CPS1: variants seen among roughly 807,000 people sequenced by gnomAD.
CPS1 encodes the protein carbamoyl-phosphate synthase [ammonia], mitochondrial.
In CPS1, 109 loss-of-function variants were observed where a neutral mutation model predicts 174.6. That is an observed-to-expected ratio of 0.62 (90% CI 0.53 to 0.73). The LOEUF (loss-of-function observed/expected upper bound fraction) is 0.73, where lower values mean the gene tolerates loss of function less well. Among genes scored for constraint, CPS1 ranks in the 30% least tolerant of loss-of-function variants. The probability of loss-of-function intolerance (pLI) is 0.00; values close to 1 mark genes in which losing one functional copy is unlikely to be tolerated. For synonymous variants in CPS1, 637 were observed against 632.0 expected (o/e 1.01, Z -0.12); for missense variants, 1,689 against 1,821.9 (o/e 0.93, Z 1.33).
chr2:210,563,384 G>A (rs761967257), intron 1 of CPS1, among the ~76,000 whole-genome samples: 11 of 152,066 alleles, frequency 7.2e-5, no homozygotes, highest in Non-Finnish European at 1.5e-4. Context: ...ACATTTTAGG[G>A]CAATGCTGTT....
At chr2:210,529,198 C>A (rs532112202) in intron 1 of CPS1, among the ~76,000 whole-genome samples, 1 of 151,936 alleles carries the variant, frequency 6.6e-6, no homozygotes, top group East Asian at 1.9e-4. Flanking sequence ...ACATAGGAAC[C>A]AAGCCTTAAT....
At chr2:210,528,414 T>C (rs897257882) in intron 1 of CPS1, among the ~76,000 whole-genome samples, 1 of 152,052 alleles carries the variant, frequency 6.6e-6, no homozygotes, top group African/African-American at 2.4e-5. Context: ...TTTGAGAGAC[T>C]ATCTCCTCTC....
intron 1 of CPS1, among the ~76,000 whole-genome samples, chr2:210,479,004 A>G (rs973816417): frequency 4.0e-5 from 6 of 149,160 alleles, no homozygotes; most frequent in Non-Finnish European, 5.9e-5. Flanking sequence ...ACCAACCCAG[A>G]GAATCCCTCC....
At chr2:210,591,705 TTTCAC>T in intron 9 of CPS1, 121 bp from the exon 10 acceptor site, 1 of 1,004,964 alleles carries the variant, frequency 1.0e-6, no homozygotes, top group Non-Finnish European at 1.5e-6. Flanking sequence ...ACAGAGTGAT[TTTCAC>T]TAAGCAATTG....
At chr2:210,486,751 C>T (rs1211186234) in intron 1 of CPS1, among the ~76,000 whole-genome samples, 1 of 152,192 alleles carries the variant, frequency 6.6e-6, no homozygotes, top group Non-Finnish European at 1.5e-5. Flanking sequence ...CTCAGGTGAT[C>T]CGCTCGCCTT....
chr2:210,500,847 G>A (rs916427844), intron 1 of CPS1, among the ~76,000 whole-genome samples: 1 of 152,222 alleles, frequency 6.6e-6, no homozygotes, highest in Non-Finnish European at 1.5e-5. Context: ...GGGACTTTGT[G>A]TGGGGGCTCC....
chr2:210,625,489 C>G (rs531158039), intron 21 of CPS1, among the ~76,000 whole-genome samples: 104 of 152,052 alleles, frequency 6.8e-4, no homozygotes, highest in African/African-American at 2.5e-3. Flanking sequence ...TGTCTCTATC[C>G]CATATTTTAT....
chr2:210,666,087 C>T (rs1294540576), intron 33 of CPS1, among the ~76,000 whole-genome samples: 3 of 151,914 alleles, frequency 2.0e-5, no homozygotes, highest in Non-Finnish European at 4.4e-5. Flanking sequence ...TGATGATGAG[C>T]ATTTTTTCAT....
At chr2:210,629,607 G>A (rs1029903911) in intron 21 of CPS1, among the ~76,000 whole-genome samples, 5 of 151,772 alleles carry the variant, frequency 3.3e-5, no homozygotes, top group East Asian at 3.9e-4. Context: ...GAGCCACCGC[G>A]CCCAGCCAGA....
chr2:210,584,856 A>T (rs143954769), intron 6 of CPS1, among the ~76,000 whole-genome samples: 28 of 152,198 alleles, frequency 1.8e-4, no homozygotes, highest in African/African-American at 6.7e-4. Flanking sequence ...AACCTCTTCA[A>T]GACTCCCTGT....
chr2:210,519,586 T>C (rs911843918), intron 1 of CPS1: 7 of 166,106 alleles, frequency 4.2e-5, no homozygotes, highest in Non-Finnish European at 8.7e-5. Flanking sequence ...TCAGAAATGA[T>C]GGAGAAACTG....
intron 1 of CPS1, among the ~76,000 whole-genome samples, chr2:210,559,240 C>T (rs569022399): frequency 9.3e-4 from 142 of 152,154 alleles, no homozygotes; most frequent in African/African-American, 3.4e-3. Flanking sequence ...AGGTTAGTAG[C>T]ATTATGTCCA....
At chr2:210,517,402 A>C (rs1009280301) in intron 1 of CPS1, among the ~76,000 whole-genome samples, 3 of 152,046 alleles carry the variant, frequency 2.0e-5, no homozygotes, top group Admixed American at 1.3e-4. Flanking sequence ...TGTCGATGAT[A>C]AGACAAGTAG....
At chr2:210,583,169 G>A (rs1445816060) in intron 6 of CPS1, among the ~76,000 whole-genome samples, 1 of 152,118 alleles carries the variant, frequency 6.6e-6, no homozygotes, top group African/African-American at 2.4e-5. Flanking sequence ...GATTTATTGT[G>A]TTATAGCTTT....
In CPS1 at chr2:210,546,393, C is replaced by T. The variant is rs114082188; in HGVS notation, c.4-10326C>T. Among the ~76,000 whole-genome samples the T allele has an allele frequency of 7.2e-3, 1,102 of 152,132 alleles. 8 individuals are homozygous for T. The highest frequency in any genetic ancestry group is 0.025 in the African/African-American group (1,037 of 41,506). ...AATGAATATATTATATTTTTAACTTCGCACTGTAGTTAAGCAGTGTGGAGC... is the reference window on the plus strand; with the variant it reads ...AATGAATATATTATATTTTTAACTTTGCACTGTAGTTAAGCAGTGTGGAGC... On this transcript the variant is annotated intron_variant, in intron 1 of 38. Transcript: ENST00000430249.
chr2:210,607,649 A>G (rs1698964607), intron 18 of CPS1, among the ~76,000 whole-genome samples: 1 of 151,932 alleles, frequency 6.6e-6, no homozygotes, highest in Admixed American at 6.6e-5. Context: ...ACAATTCTGC[A>G]TTCTCACTTG....
intron 36 of CPS1, 48 bp downstream of exon 36, chr2:210,675,888 T>C (rs1308077248): frequency 1.1e-6 from 1 of 895,920 alleles, no homozygotes; most frequent in Admixed American, 1.7e-5. Flanking sequence ...AGGATTAACT[T>C]TGAGAACCAG....
chr2:210,607,977 T>C (rs1698978099), intron 18 of CPS1, among the ~76,000 whole-genome samples: 1 of 151,282 alleles, frequency 6.6e-6, no homozygotes, highest in African/African-American at 2.5e-5. Flanking sequence ...GGTACAGATA[T>C]GTATATGTAC....
At chr2:210,508,684 A>C (rs1226757361) in intron 1 of CPS1, among the ~76,000 whole-genome samples, 2 of 152,246 alleles carry the variant, frequency 1.3e-5, no homozygotes, top group Non-Finnish European at 2.9e-5. Flanking sequence ...CAATTAAAAA[A>C]TGATAAAGGG....
Sources: gnomAD v4.1 joint callset for allele counts (sites outside exome capture counted in the v4.1 genomes callset) on GRCh38, gnomAD v4.1.1 for gene constraint, MANE v1.5 for transcripts, NCBI Gene and HGNC (gene_info 2026-07-23, HGNC 2026-07-21) for gene names.